Variants in PDLIM5 observed in about 807,000 individuals in gnomAD.
PDLIM5 encodes PDZ and LIM domain 5, also known as PDZ and LIM domain protein 5.
PDLIM5 carries 34 observed loss-of-function variants against 64.2 expected under a neutral mutation model. That is an observed-to-expected ratio of 0.53 (90% CI 0.40 to 0.71). The LOEUF is 0.71. PDLIM5 is among the 30% of genes least tolerant of loss of function. The pLI is 0.00. For missense variants in PDLIM5, 683 were observed against 733.6 expected (o/e 0.93, Z 0.80); for synonymous variants, 253 against 269.1 (o/e 0.94, Z 0.59).
intron 8 of PDLIM5, among the ~76,000 whole-genome samples, chr4:94,628,027 A>C (rs903128515): frequency 1.3e-5 from 2 of 152,220 alleles, no homozygotes; most frequent in Non-Finnish European, 2.9e-5. Context: ...TAACTATGTA[A>C]GATCTTATGT....
intron 2 of PDLIM5, among the ~76,000 whole-genome samples, chr4:94,471,915 A>G (rs9684309): frequency 1.5e-3 from 235 of 151,896 alleles, no homozygotes; most frequent in Non-Finnish European, 2.6e-3. Context: ...ATAAGTATTT[A>G]TACTTACAAA....
At position 94,640,372 on chromosome 4, in the gene PDLIM5, A is replaced by G; in HGVS notation, c.1205A>G (p.Asp402Gly). 1.2e-6 allele frequency: 2 copies of G among 1,612,856 alleles called. No homozygotes were observed. The highest frequency in any genetic ancestry group is 2.2e-5 in the East Asian group (1 of 44,850). Reference protein sequence around the residue: ...ALGQTQPSDQDTLVQRAEHIP... With the variant: ...ALGQTQPSDQGTLVQRAEHIP... ...GGACAAACCCAGCCAAGTGACCAGG[A>G]CACTTTAGTGCAAAGAGCTGAGCAC... The change falls in exon 9 of 13, where the codon GAC becomes GGC. Residue 402 changes from aspartate (D) to glycine (G), a missense_variant. Asp to Gly is a moderately conservative substitution (Grantham distance 94). Coordinates refer to ENST00000317968, the MANE Select transcript of PDLIM5 (RefSeq NM_006457.5).
intron 9 of PDLIM5, among the ~76,000 whole-genome samples, chr4:94,648,460 C>G (rs1741585043): frequency 6.6e-6 from 1 of 152,204 alleles, no homozygotes; most frequent in Non-Finnish European, 1.5e-5. Flanking sequence ...GCTGAGGCCA[C>G]AGGCCTGCAC....
intron 5 of PDLIM5, chr4:94,584,415 A>G (rs950573860): frequency 2.0e-5 from 3 of 152,224 alleles, no homozygotes; most frequent in Non-Finnish European, 4.4e-5. Flanking sequence ...AGCAAACTCA[A>G]AGTTCTTGAA....
chr4:94,608,412 C>A (rs1046925727), intron 7 of PDLIM5, among the ~76,000 whole-genome samples: 1 of 152,034 alleles, frequency 6.6e-6, no homozygotes, highest in Non-Finnish European at 1.5e-5. Flanking sequence ...TTCATTTATT[C>A]ACTTTGTGAT....
intron 8 of PDLIM5, among the ~76,000 whole-genome samples, chr4:94,618,578 T>C (rs894654559): frequency 3.9e-5 from 6 of 152,214 alleles, no homozygotes; most frequent in African/African-American, 1.2e-4. Context: ...TTTATTGCCA[T>C]CAAACAATTA....
chr4:94,567,206 G>C (rs542836808), intron 3 of PDLIM5, among the ~76,000 whole-genome samples: 17 of 152,274 alleles, frequency 1.1e-4, no homozygotes, highest in Admixed American at 4.6e-4. Context: ...TGTTAGCCAG[G>C]ATGATCTCGA....
intron 2 of PDLIM5, among the ~76,000 whole-genome samples, chr4:94,462,795 A>G (rs1426404718): frequency 1.3e-5 from 2 of 152,152 alleles, no homozygotes; most frequent in South Asian, 2.1e-4. Flanking sequence ...CCCCATACCT[A>G]TGCTAGCCTA....
intron 7 of PDLIM5, among the ~76,000 whole-genome samples, chr4:94,607,078 CT>C (rs1737988418): frequency 6.6e-6 from 1 of 152,174 alleles, no homozygotes; most frequent in African/African-American, 2.4e-5. Context: ...AACCTTTCTG[CT>C]CTACCTCTTA....
At chr4:94,632,559 G>A (rs1449449537) in intron 8 of PDLIM5, among the ~76,000 whole-genome samples, 1 of 152,112 alleles carries the variant, frequency 6.6e-6, no homozygotes, top group Non-Finnish European at 1.5e-5. Context: ...GGAAAATAAT[G>A]CCCCTTTACA....
intron 2 of PDLIM5, among the ~76,000 whole-genome samples, chr4:94,507,055 C>A (rs182812608): frequency 1.3e-5 from 2 of 152,226 alleles, no homozygotes; most frequent in African/African-American, 4.8e-5. Flanking sequence ...GGCTCTTGGG[C>A]TTTTGGCCAC....
intron 3 of PDLIM5, among the ~76,000 whole-genome samples, chr4:94,550,799 T>C (rs559515233): frequency 6.6e-6 from 1 of 152,292 alleles, no homozygotes; most frequent in African/African-American, 2.4e-5. Flanking sequence ...AAATTACTTA[T>C]CATAGAATTT....
intron 2 of PDLIM5, among the ~76,000 whole-genome samples, chr4:94,494,429 C>CTT (rs1261064734): frequency 7.8e-5 from 4 of 51,594 alleles, no homozygotes; most frequent in African/African-American, 1.5e-4. Context: ...TTTTTTTTTT[C>CTT]TTGTTTTTTT....
At chr4:94,546,978 A>G (rs1045673406) in intron 3 of PDLIM5, among the ~76,000 whole-genome samples, 2 of 152,098 alleles carry the variant, frequency 1.3e-5, no homozygotes, top group African/African-American at 2.4e-5. Flanking sequence ...AAGGAAAAAA[A>G]AATATATATC....
At chr4:94,645,049 G>A (rs1741304668) in intron 9 of PDLIM5, among the ~76,000 whole-genome samples, 1 of 152,032 alleles carries the variant, frequency 6.6e-6, no homozygotes, top group South Asian at 2.1e-4. Flanking sequence ...CTAATTTGTA[G>A]TCTTTTATCC....
At chr4:94,658,576 C>A (rs1742402326) in intron 11 of PDLIM5, among the ~76,000 whole-genome samples, 1 of 152,218 alleles carries the variant, frequency 6.6e-6, no homozygotes, top group Non-Finnish European at 1.5e-5. Flanking sequence ...AAATTCAAAG[C>A]TCTGTGCTGA....
intron 9 of PDLIM5, 49 bp downstream of exon 9, chr4:94,640,499 GGT>G (rs1491529502): frequency 1.9e-6 from 2 of 1,066,756 alleles, no homozygotes; most frequent in Non-Finnish European, 2.6e-6. Context: ...ATCAATGTTG[GGT>G]TTTTTTTTTT....
chr4:94,457,727 A>G (rs1346330115), intron 2 of PDLIM5, among the ~76,000 whole-genome samples: 1 of 152,202 alleles, frequency 6.6e-6, no homozygotes, highest in Non-Finnish European at 1.5e-5. Context: ...AGTTTGAGGT[A>G]CTAGCTCCAT....
At chr4:94,515,464 G>C (rs974428363) in intron 2 of PDLIM5, among the ~76,000 whole-genome samples, 3 of 152,068 alleles carry the variant, frequency 2.0e-5, no homozygotes, top group African/African-American at 4.8e-5. Flanking sequence ...TGAGCTTTTT[G>C]TTTTGAAATA....
Sources: allele counts gnomAD v4.1 joint callset (sites outside exome capture counted in the v4.1 genomes callset), GRCh38; gene constraint gnomAD v4.1.1; transcripts MANE v1.5; gene names NCBI Gene and HGNC (gene_info 2026-07-23, HGNC 2026-07-21).